The following MORF4L1 variants were observed in gnomAD, a reference collection of about 807,000 sequenced individuals.
The protein encoded by MORF4L1 is mortality factor 4 like 1, also known as mortality factor 4-like protein 1.
Under a neutral mutation model 52.9 loss-of-function variants are expected in MORF4L1, and 4 were observed. That is an observed-to-expected ratio of 0.08 (90% CI 0.04 to 0.17). The LOEUF is 0.17. Among genes scored for constraint, MORF4L1 ranks in the 10% least tolerant of loss-of-function variants. MORF4L1 has a pLI of 1.00. For missense variants in MORF4L1, 214 were observed against 390.4 expected (o/e 0.55, Z 3.81); for synonymous variants, 123 against 134.8 (o/e 0.91, Z 0.61).
intron 3 of MORF4L1, among the ~76,000 whole-genome samples, chr15:78,880,920 T>C (rs1246435567): frequency 1.3e-5 from 2 of 151,882 alleles, no homozygotes; most frequent in African/African-American, 2.4e-5. Context: ...CCTGAATTAT[T>C]TGGCCTTACC....
In MORF4L1 at chr15:78,897,239, TTC is replaced by T. The variant is rs1173406376; in HGVS notation, c.*174_*175del. The T allele has an allele frequency of 2.5e-4, 115 of 461,592 alleles. No individual in the cohort carries two copies. In the East Asian group the frequency reaches 2.6e-3, roughly 11 times the overall value. The allele number at this position is 461,592 out of a possible 1,614,324, so 28.6% of individuals were successfully genotyped here. On this transcript the variant is annotated 3_prime_UTR_variant, in exon 12 of 12. Coordinates refer to ENST00000426013, the MANE Select transcript of MORF4L1 (RefSeq NM_006791.4). Reference sequence around the variant, plus strand: ...AAAGGGGGTAATAGCTCCTTTTTTCTTCTTTCTTTTTTTTTTTCATTTCAAAA... The same window carrying T: ...AAAGGGGGTAATAGCTCCTTTTTTCTTTTCTTTTTTTTTTTCATTTCAAAA...
chr15:78,888,412 T>C (rs1189480933), intron 5 of MORF4L1, among the ~76,000 whole-genome samples: 2 of 151,778 alleles, frequency 1.3e-5, no homozygotes. Flanking sequence ...GGCTGCACTT[T>C]AGTCTTGGCG....
At chr15:78,887,687 G>A (rs913473993) in intron 5 of MORF4L1, among the ~76,000 whole-genome samples, 20 of 152,170 alleles carry the variant, frequency 1.3e-4, no homozygotes, top group African/African-American at 3.9e-4. Flanking sequence ...AAATACATAC[G>A]AATTAACCTC....
chr15:78,875,844 ATAT>A (rs2056476878), intron 1 of MORF4L1, among the ~76,000 whole-genome samples: 1 of 152,206 alleles, frequency 6.6e-6, no homozygotes. Context: ...GGGAAAAAGA[ATAT>A]TTGATGAGTG....
chr15:78,891,360 TTAGA>T (rs1163652963), intron 6 of MORF4L1, 120 bp from the exon 7 acceptor site: 1 of 756,922 alleles, frequency 1.3e-6, no homozygotes, highest in Non-Finnish European at 2.2e-6. Flanking sequence ...ATTCTTTAAC[TTAGA>T]TTGAGGTAAC....
intron 7 of MORF4L1, 80 bp from the exon 8 acceptor site, chr15:78,892,132 C>A: frequency 1.1e-6 from 1 of 909,354 alleles, no homozygotes; most frequent in Non-Finnish European, 1.7e-6. Context: ...TCCCTAGTGC[C>A]TCTAAAAGTC....
intron 3 of MORF4L1, among the ~76,000 whole-genome samples, chr15:78,884,228 T>C (rs1026665047): frequency 7.1e-6 from 1 of 141,340 alleles, no homozygotes; most frequent in African/African-American, 2.7e-5. Context: ...AAAGCTGAAA[T>C]TCTTGCCAGG....
At chr15:78,892,491 A>G (rs879438084) in intron 8 of MORF4L1, 178 bp downstream of exon 8, 48 of 478,040 alleles carry the variant, frequency 1.0e-4, no homozygotes, top group African/African-American at 8.6e-4. Flanking sequence ...AGTTAGAAGA[A>G]TAAAAGTTCA....
chr15:78,887,117 TTTTG>T (rs758296074), intron 4 of MORF4L1, 148 bp from the exon 5 acceptor site: 95 of 644,708 alleles, frequency 1.5e-4, no homozygotes, highest in Non-Finnish European at 2.3e-4. Flanking sequence ...TTCTTGAGTG[TTTTG>T]TTTGATTTTT....
In MORF4L1 at chr15:78,894,985, C is replaced by G. The variant is rs1163745454; in HGVS notation, c.887+81C>G. ...GGGATTGGCAGTATAGATGCTAAAACATTAAACATTATATTGGTACAGGCA... is the reference window on the plus strand; with the variant it reads ...GGGATTGGCAGTATAGATGCTAAAAGATTAAACATTATATTGGTACAGGCA... On this transcript the variant is annotated intron_variant, in intron 11 of 11. Coordinates refer to ENST00000426013, the MANE Select transcript of MORF4L1 (RefSeq NM_006791.4). 3 of 1,112,730 alleles carry G rather than the reference C, an allele frequency of 2.7e-6. No individual in the cohort carries two copies. The African/African-American group carries it at 4.6e-5, about 17-fold the overall frequency. 68.9% of individuals were successfully genotyped at this position (1,112,730 alleles called of 1,614,324 possible). A position where few individuals can be genotyped will look rare whatever the true frequency, so the allele number is the denominator to read the frequency against.
chr15:78,884,252 G>T (rs562888341), intron 3 of MORF4L1, among the ~76,000 whole-genome samples: 86 of 146,604 alleles, frequency 5.9e-4, no homozygotes, highest in African/African-American at 1.7e-3. Context: ...GATGGCTCAT[G>T]CCTGTAATCC....
chr15:78,884,203 CAAAAA>C (rs71451729), intron 3 of MORF4L1, among the ~76,000 whole-genome samples: 1 of 114,802 alleles, frequency 8.7e-6, no homozygotes, highest in African/African-American at 3.8e-5. Context: ...GACTCCATCT[CAAAAA>C]AAAAAACAAA....
intron 1 of MORF4L1, chr15:78,873,357 C>T: frequency 1.3e-6 from 1 of 771,872 alleles, no homozygotes; most frequent in East Asian, 4.6e-5. Context: ...GAGAGAGCAG[C>T]CTATTGTAGG....
chr15:78,872,993 G>C lies in MORF4L1; in HGVS notation c.-25G>C. The C allele has an allele frequency of 1.3e-6, 2 of 1,549,788 alleles. No homozygotes were observed. Among genetic ancestry groups the C allele is most frequent in the East Asian group, 2.4e-5 (1 of 41,062 alleles). On this transcript the variant is annotated 5_prime_UTR_variant, in exon 1 of 12. Coordinates refer to ENST00000426013, the MANE Select transcript of MORF4L1 (RefSeq NM_006791.4). ...GCGGTAGTCGGGGGTGGTGGGAGAA[G>C]GAGGAGGCGGCGAATCACTTATAAA...
intron 1 of MORF4L1, chr15:78,873,818 A>G (rs187885552): frequency 3.3e-5 from 5 of 152,364 alleles, no homozygotes; most frequent in African/African-American, 1.2e-4. Flanking sequence ...TCTTGGGCGC[A>G]GTGCCGAGAT....
chr15:78,873,330 C>T (rs1000137768), intron 1 of MORF4L1: 15 of 1,043,192 alleles, frequency 1.4e-5, no homozygotes, highest in Admixed American at 8.1e-5. Context: ...TGTTATTGTT[C>T]TGAGGAAGAG....
chr15:78,881,931 C>T (rs2056610364), intron 3 of MORF4L1, among the ~76,000 whole-genome samples: 1 of 152,182 alleles, frequency 6.6e-6, no homozygotes, highest in Non-Finnish European at 1.5e-5. Context: ...GTGAAGTTCA[C>T]TGGCCCTGTG....
intron 5 of MORF4L1, among the ~76,000 whole-genome samples, chr15:78,888,526 A>G (rs1284814772): frequency 6.6e-6 from 1 of 152,200 alleles, no homozygotes; most frequent in Non-Finnish European, 1.5e-5. Context: ...AGTATTTGTA[A>G]TAATAAAAAC....
rs1362323183 is a variant in MORF4L1, at chr15:78,894,176, C to G, written c.748C>G (p.Pro250Ala). 2 of 1,613,888 alleles carry G rather than the reference C, an allele frequency of 1.2e-6. No individual in the cohort carries two copies. The highest frequency in any genetic ancestry group is 1.7e-5 in the Admixed American group (1 of 59,970). The change falls in exon 10 of 12, where the codon CCC (proline) becomes GCC (alanine). Residue 250 changes from proline (P) to alanine (A), a missense_variant. Physicochemically the swap from Pro to Ala is conservative, Grantham distance 27. Transcript: ENST00000426013. ...PQYAEILADH[P>A]DAPMSQVYGA... ...GTATGCTGAAATTCTTGCAGATCAT[C>G]CCGATGCACCCATGTCCCAGGTGTA... is the stretch of plus-strand genomic sequence containing the variant.
Sources: allele counts gnomAD v4.1 joint callset (sites outside exome capture counted in the v4.1 genomes callset), GRCh38; gene constraint gnomAD v4.1.1; transcripts MANE v1.5; gene names NCBI Gene and HGNC (gene_info 2026-07-23, HGNC 2026-07-21).